USP40: variants seen among roughly 807,000 people sequenced by gnomAD.
USP40 encodes the protein ubiquitin specific peptidase 40, also known as ubiquitin carboxyl-terminal hydrolase 40.
USP40 carries 143 observed loss-of-function variants against 166.2 expected under a neutral mutation model. That is an observed-to-expected ratio of 0.86 (90% confidence interval 0.75 to 0.99). The LOEUF (loss-of-function observed/expected upper bound fraction) is 0.99. USP40 is among the 50% of genes least tolerant of loss of function. The probability of loss-of-function intolerance (pLI) is 0.00; values close to 1 mark genes in which losing one functional copy is unlikely to be tolerated. For synonymous variants in USP40, 498 were observed against 524.0 expected (o/e 0.95, Z 0.68); for missense variants, 1,444 against 1,479.7 (o/e 0.98, Z 0.40).
intron 18 of USP40, among the ~76,000 whole-genome samples, chr2:233,517,408 G>A (rs867632992): frequency 1.1e-4 from 10 of 93,646 alleles, no homozygotes; most frequent in South Asian, 2.9e-4. Context: ...TTTTTGAGAC[G>A]GAGTCTCGCT....
At chr2:233,514,609 A>C (rs1209646940) in intron 18 of USP40, among the ~76,000 whole-genome samples, 1 of 152,214 alleles carries the variant, frequency 6.6e-6, no homozygotes, top group Non-Finnish European at 1.5e-5. Context: ...AAAGCACTAA[A>C]GGGCTTTGTG....
chr2:233,499,207 T>C (rs2065917442), intron 22 of USP40, among the ~76,000 whole-genome samples: 1 of 139,198 alleles, frequency 7.2e-6, no homozygotes, highest in South Asian at 2.7e-4. Context: ...CCCCTCCCTG[T>C]GTCCATGTGT....
At chr2:233,503,596 T>C (rs2066221984) in intron 21 of USP40, among the ~76,000 whole-genome samples, 1 of 151,820 alleles carries the variant, frequency 6.6e-6, no homozygotes. Flanking sequence ...AGCAGAAACC[T>C]TGCAGGCCAG....
chr2:233,524,412 G>A (rs1341176895), intron 15 of USP40, 80 bp downstream of exon 15: 6 of 1,279,778 alleles, frequency 4.7e-6, no homozygotes, highest in Non-Finnish European at 6.5e-6. Context: ...TTACAGGCAT[G>A]AGCCACCATG....
At chr2:233,530,110 A>T (rs1282047657) in intron 11 of USP40, among the ~76,000 whole-genome samples, 1 of 151,968 alleles carries the variant, frequency 6.6e-6, no homozygotes, top group Non-Finnish European at 1.5e-5. Context: ...TCAGATTTTC[A>T]TCTTGATTAC....
intron 2 of USP40, 38 bp downstream of exon 2, chr2:233,565,318 G>A (rs1221820927): frequency 1.4e-6 from 2 of 1,412,990 alleles, no homozygotes; most frequent in African/African-American, 2.9e-5. Flanking sequence ...AAAGAAGATG[G>A]TACATATTGC....
At chr2:233,489,549 G>T in intron 26 of USP40, 66 bp from the exon 27 acceptor site, 1 of 1,165,822 alleles carries the variant, frequency 8.6e-7, no homozygotes, top group Non-Finnish European at 1.2e-6. Context: ...TACTGTTTTA[G>T]AAAAAAAAAA....
At chr2:233,539,127 G>T (rs188748890) in intron 10 of USP40, among the ~76,000 whole-genome samples, 39 of 151,242 alleles carry the variant, frequency 2.6e-4, no homozygotes, top group African/African-American at 9.2e-4. Flanking sequence ...AGCAAAAACT[G>T]TCAAAACTTT....
At chr2:233,533,811 T>G in intron 10 of USP40, 32 bp from the exon 11 acceptor site, 1 of 1,487,160 alleles carries the variant, frequency 6.7e-7, no homozygotes, top group Non-Finnish European at 9.0e-7. Flanking sequence ...AATGCTAAGT[T>G]AATTATTTAA....
intron 18 of USP40, among the ~76,000 whole-genome samples, chr2:233,517,892 T>C (rs7557849): frequency 0.19 from 27,992 of 150,206 alleles, 2,788 homozygotes; most frequent in Non-Finnish European, 0.21. Flanking sequence ...CTAGATGAGA[T>C]TGGAAACTAT....
At chr2:233,526,828 C>T (rs990460294) in intron 13 of USP40, among the ~76,000 whole-genome samples, 4 of 152,092 alleles carry the variant, frequency 2.6e-5, no homozygotes, top group African/African-American at 9.7e-5. Flanking sequence ...AATGTGTCTT[C>T]ATGAGATTAA....
At position 233,556,850 on chromosome 2, in the gene USP40, T is replaced by C. The variant is rs755588227; in HGVS notation, c.546+5A>G. ...CTTATTACTAAAATACTCTGGCATA[T>C]TTACCTGCCTCTCGCTAACGTTCTT... is the stretch of plus-strand genomic sequence containing the variant. On this transcript the variant is annotated splice_donor_5th_base_variant and intron_variant, in intron 5 of 31. Transcript: ENST00000678225. 1 of 1,606,504 alleles carries C rather than the reference T, an allele frequency of 6.2e-7. No individual in the cohort carries two copies. The highest frequency in any genetic ancestry group is 8.5e-7 in the Non-Finnish European group (1 of 1,177,762).
intron 12 of USP40, 146 bp downstream of exon 12, chr2:233,529,285 T>C: frequency 1.6e-6 from 1 of 610,002 alleles, no homozygotes; most frequent in South Asian, 2.3e-5. Flanking sequence ...ACCCTCACTA[T>C]AAAAATTCAG....
At chr2:233,497,519 G>A (rs1296044387) in intron 23 of USP40, among the ~76,000 whole-genome samples, 1 of 152,130 alleles carries the variant, frequency 6.6e-6, no homozygotes, top group Non-Finnish European at 1.5e-5. Flanking sequence ...GAGGCTGAGA[G>A]GAAACATGAA....
chr2:233,509,576 C>T (rs909879845), intron 21 of USP40, among the ~76,000 whole-genome samples: 1 of 152,038 alleles, frequency 6.6e-6, no homozygotes, highest in Non-Finnish European at 1.5e-5. Context: ...TGGAATGGCT[C>T]ATGCCTGTAA....
intron 21 of USP40, among the ~76,000 whole-genome samples, chr2:233,506,740 C>CAAAAAAAAAAAAAA (rs1227656570): frequency 1.3e-4 from 7 of 53,834 alleles, no homozygotes; most frequent in African/African-American, 3.6e-4. Context: ...ACCGAAAATA[C>CAAAAAAAAAAAAAA]AAAAAAAAAA....
Position 233,523,213 on chromosome 2 carries a change from T to C in USP40, c.2158A>G (p.Asn720Asp), listed in dbSNP as rs1247765655. The C allele has an allele frequency of 3.7e-6, 6 of 1,613,216 alleles. No homozygotes were observed. The highest frequency in any genetic ancestry group is 1.6e-4 in the Middle Eastern group (1 of 6,080). ...RKTFREQGLRNGSSILIQDSH... is the reference protein window; with the variant it reads ...RKTFREQGLRDGSSILIQDSH... ...TCCTGAATTAAAATTGAGCTTCCAT[T>C]TCTGAGCCCTTGCTCCCTGAACGTC... Residue 720 changes from asparagine (N) to aspartate (D), a missense_variant, in exon 16 of 32, where the codon AAT becomes GAT. By Grantham distance (23) the Asn-to-Asp change is conservative. Coordinates refer to ENST00000678225, the MANE Select transcript of USP40 (RefSeq NM_001365479.2).
Position 233,549,493 on chromosome 2 carries a change from C to T in USP40, c.838-264G>A, listed in dbSNP as rs181151402. Among the ~76,000 whole-genome samples, 70 of 152,196 alleles carry T rather than the reference C, an allele frequency of 4.6e-4. No homozygotes were observed. In the East Asian group the frequency reaches 6.2e-3, roughly 13 times the overall value. ...CTGAAAAATACGTTACTTTTATGTA[C>T]TTTGGCTAAGATCATGTAAGCCAAT... On this transcript the variant is annotated intron_variant, in intron 7 of 31. Transcript: ENST00000678225.
chr2:233,555,698 C>T (rs1212987276), intron 5 of USP40, among the ~76,000 whole-genome samples: 5 of 149,042 alleles, frequency 3.4e-5, no homozygotes, highest in Non-Finnish European at 7.4e-5. Context: ...CACAGTGGCG[C>T]AATCTCAGGT....
Sources: gnomAD v4.1 joint callset for allele counts (sites outside exome capture counted in the v4.1 genomes callset) on GRCh38, gnomAD v4.1.1 for gene constraint, MANE v1.5 for transcripts, NCBI Gene and HGNC (gene_info 2026-07-23, HGNC 2026-07-21) for gene names.